Variants in CACNB1 observed in about 807,000 individuals in gnomAD.
The protein encoded by CACNB1 is voltage-dependent L-type calcium channel subunit beta-1.
In CACNB1, 29 loss-of-function variants were observed where a neutral mutation model predicts 71.6. That is an observed-to-expected ratio of 0.40 (90% CI 0.30 to 0.55). CACNB1 has a LOEUF of 0.55. CACNB1 is among the 20% of genes least tolerant of loss of function. CACNB1 has a pLI of 0.38. For missense variants in CACNB1, 623 were observed against 801.8 expected (o/e 0.78, Z 2.69); for synonymous variants, 300 against 319.6 (o/e 0.94, Z 0.65).
rs373615559 is a variant in CACNB1 at position 39,197,535 on chromosome 17, C to T, written c.-40G>A. On this transcript the variant is annotated 5_prime_UTR_variant, in exon 1 of 14. Transcript: ENST00000394303. ...CCTCCCGCCGCCGGCCCGGCCCAGC[C>T]GGGCTCCCTCAGCGCATGGGAGAGG... 2.5e-5 allele frequency: 36 copies of T among 1,449,190 alleles called. No individual in the cohort carries two copies. Among genetic ancestry groups the T allele is most frequent in the Middle Eastern group, 2.4e-4 (1 of 4,224 alleles). 89.8% of individuals were successfully genotyped at this position (1,449,190 alleles called of 1,614,324 possible).
In CACNB1 at chr17:39,175,529, C is replaced by T. The variant is rs116613643; in HGVS notation, c.1461G>A (p.Arg487=). ...GGGACAGTGCCCGTAGCGTGCCTGC[C>T]CGGCCTGGTGGGTGGCTGCTGGGGT... ...GLYPSSHPPG[R]AGTLRALSRQ... is the part of the protein sequence containing the mutation. Residue 487 remains arginine, a synonymous_variant, in exon 14 of 14, where the codon CGG becomes CGA. Coordinates refer to ENST00000394303, the MANE Select transcript of CACNB1 (RefSeq NM_000723.5). This position sits in a 1 kb window ranked among gnomAD's most constrained non-coding sequence, Gnocchi z 4.7. The T allele has an allele frequency of 3.6e-3, 5,853 of 1,613,870 alleles. 57 individuals are homozygous for T. The Middle Eastern group carries it at 0.047, about 13-fold the overall frequency.
Position 39,185,122 on chromosome 17 carries a change from G to A in CACNB1, c.648+9C>T. On this transcript the variant is annotated intron_variant, in intron 7 of 13. Coordinates refer to ENST00000394303, the MANE Select transcript of CACNB1 (RefSeq NM_000723.5). ...TGGGGAGGAGGACACAGAAAGCTGTGATACTCACCGACTTCTGCTTCTGTT... is the reference window on the plus strand; with the variant it reads ...TGGGGAGGAGGACACAGAAAGCTGTAATACTCACCGACTTCTGCTTCTGTT... 1 of 1,613,430 alleles carries A rather than the reference G, an allele frequency of 6.2e-7. No individual in the cohort carries two copies. Among genetic ancestry groups the A allele is most frequent in the Non-Finnish European group, 8.5e-7 (1 of 1,179,406 alleles).
chr17:39,188,407 G>A (rs187431408), intron 3 of CACNB1, among the ~76,000 whole-genome samples: 2 of 151,812 alleles, frequency 1.3e-5, no homozygotes, highest in Admixed American at 6.6e-5. Context: ...AAACCCTGTC[G>A]CTACTAAAAA....
In CACNB1 at chr17:39,175,282, C is replaced by G; in HGVS notation, c.1708G>C (p.Ala570Pro). 6.2e-7 allele frequency: 1 copy of G among 1,614,212 alleles called. No homozygotes were observed. Among genetic ancestry groups the G allele is most frequent in the Non-Finnish European group, 8.5e-7 (1 of 1,180,034 alleles). Residue 570 changes from alanine to proline, a missense_variant, in exon 14 of 14, where the codon GCC becomes CCC. Ala to Pro is a conservative substitution (Grantham distance 27). Transcript: ENST00000394303. This position sits in a 1 kb window ranked among gnomAD's most constrained non-coding sequence, Gnocchi z 4.7. ...CCCCCACCCTCAGCGCAGTAGCGGGCCTTATTCCGGCCCCGGTTCCGGTTG... is the reference window on the plus strand; with the variant it reads ...CCCCCACCCTCAGCGCAGTAGCGGGGCTTATTCCGGCCCCGGTTCCGGTTG... ...TDNRNRGRNKARYCAEGGGPV... is the reference protein window; with the variant it reads ...TDNRNRGRNKPRYCAEGGGPV...
chr17:39,185,882 C>A (rs1475678751), intron 6 of CACNB1: 3 of 1,524,306 alleles, frequency 2.0e-6, no homozygotes, highest in Admixed American at 3.7e-5. Context: ...TCCATTACAG[C>A]CCCCTTCCCT....
chr17:39,185,640 G>A (rs990042342), intron 6 of CACNB1, among the ~76,000 whole-genome samples: 5 of 151,344 alleles, frequency 3.3e-5, no homozygotes, highest in African/African-American at 1.2e-4. Flanking sequence ...ACATGCCAAG[G>A]TAGACACCAA....
intron 4 of CACNB1, 35 bp downstream of exon 4, chr17:39,187,444 G>A: frequency 2.5e-6 from 4 of 1,611,760 alleles, no homozygotes; most frequent in Non-Finnish European, 3.4e-6. Context: ...CTGTCTCCTG[G>A]CACCCACTTC....
intron 6 of CACNB1, 33 bp from the exon 7 acceptor site, chr17:39,185,183 G>C (rs778710193): frequency 1.3e-6 from 2 of 1,598,708 alleles, no homozygotes; most frequent in Admixed American, 1.7e-5. Context: ...GAGGGAAGGG[G>C]GAGGAGAGAG....
rs1254331025 is a variant in CACNB1 at position 39,175,328 on chromosome 17, GTCT to G, written c.1659_1661del (p.Glu553del). 6.2e-7 allele frequency: 1 copy of G among 1,614,186 alleles called. No individual in the cohort carries two copies. The highest frequency in any genetic ancestry group is 1.1e-5 in the South Asian group (1 of 91,084). On this transcript the variant is annotated inframe_deletion, in exon 14 of 14. Transcript: ENST00000394303. This position sits in a 1 kb window ranked among gnomAD's most constrained non-coding sequence, Gnocchi z 4.7. ...GGTTGTCGGTCAGCTCTTCCTCATAGTCTTCTTCCTCGTCCTCCCAGGATCCCT... is the reference window on the plus strand; with the variant it reads ...GGTTGTCGGTCAGCTCTTCCTCATAGTCTTCCTCGTCCTCCCAGGATCCCT...
intron 2 of CACNB1, chr17:39,193,729 G>C (rs1567813679): frequency 4.5e-6 from 1 of 222,542 alleles, no homozygotes; most frequent in Non-Finnish European, 9.3e-6. Flanking sequence ...CACTGAAGGA[G>C]CCAAGGTCCT....
chr17:39,178,375 C>T (rs1229791766), intron 11 of CACNB1: 8 of 212,908 alleles, frequency 3.8e-5, no homozygotes, highest in South Asian at 2.0e-4. Context: ...GCCCACTCTC[C>T]TTTTTTTTTG....
chr17:39,186,656 A>G lies in CACNB1; in HGVS notation c.552-84T>C, dbSNP rs2045949126. ...ATCCTCTCACATGCGGCACCCCCGG[A>G]GGTGCTCCAGCCCCACTGGTGATGC... On this transcript the variant is annotated intron_variant, in intron 5 of 13. Coordinates refer to ENST00000394303, the MANE Select transcript of CACNB1 (RefSeq NM_000723.5). This position sits in a 1 kb window ranked among gnomAD's most constrained non-coding sequence, Gnocchi z 4.1. The G allele has an allele frequency of 6.7e-7, 1 of 1,499,536 alleles. No individual in the cohort carries two copies. Among genetic ancestry groups the G allele is most frequent in the South Asian group, 1.2e-5 (1 of 84,206 alleles). 92.9% of individuals were successfully genotyped at this position (1,499,536 alleles called of 1,614,324 possible). A position where few individuals can be genotyped will look rare whatever the true frequency, so the allele number is the denominator to read the frequency against.
intron 13 of CACNB1, 188 bp downstream of exon 13, chr17:39,177,162 A>G: frequency 3.5e-6 from 5 of 1,434,720 alleles, no homozygotes; most frequent in Non-Finnish European, 4.6e-6. Context: ...TTTTTACAAA[A>G]TAAAGCTCTT....
At position 39,185,206 on chromosome 17, in the gene CACNB1, A is replaced by G. The variant is rs2045904529; in HGVS notation, c.629-56T>C. 1.6e-5 allele frequency: 23 copies of G among 1,417,636 alleles called. No homozygotes were observed. In the South Asian group the frequency reaches 2.5e-4, roughly 16 times the overall value. 87.8% of individuals were successfully genotyped at this position (1,417,636 alleles called of 1,614,324 possible). Reference sequence around the variant, plus strand: ...GGGGAGGAGAGAGGGAAGGGGACCCAGGCAGGGGCAGAGGGCAAGGCAGGA... The same window carrying G: ...GGGGAGGAGAGAGGGAAGGGGACCCGGGCAGGGGCAGAGGGCAAGGCAGGA... On this transcript the variant is annotated intron_variant, in intron 6 of 13. Coordinates refer to ENST00000394303, the MANE Select transcript of CACNB1 (RefSeq NM_000723.5).
rs1188462186 is a variant in CACNB1 at position 39,177,981 on chromosome 17, C to T, written c.1146+3G>A. ...TTCCCTTCCCTGGGATCTAGGCACT[C>T]ACAGGGGGGCACTGTGCCAGCTTTT... On this transcript the variant is annotated splice_donor_region_variant and intron_variant, in intron 12 of 13. Coordinates refer to ENST00000394303, the MANE Select transcript of CACNB1 (RefSeq NM_000723.5). 1 of 1,610,656 alleles carries T rather than the reference C, an allele frequency of 6.2e-7. No individual in the cohort carries two copies. Among genetic ancestry groups the T allele is most frequent in the Non-Finnish European group, 8.5e-7 (1 of 1,176,964 alleles).
rs2046172623 is a variant in CACNB1 at position 39,194,983 on chromosome 17, G to C, written c.85-13C>G. 2 of 1,589,906 alleles carry C rather than the reference G, an allele frequency of 1.3e-6. No homozygotes were observed. Among genetic ancestry groups the C allele is most frequent in the South Asian group, 1.1e-5 (1 of 89,820 alleles). ...TGCTGTATTTGCCCTGAAGAGGCCA[G>C]GAAAGGAACAAGAGTAGAATCAGAA... On this transcript the variant is annotated splice_polypyrimidine_tract_variant and intron_variant, in intron 1 of 13. Coordinates refer to ENST00000394303, the MANE Select transcript of CACNB1 (RefSeq NM_000723.5). The surrounding 1 kb of genome is among the most constrained non-coding windows in gnomAD (Gnocchi z 4.6).
intron 11 of CACNB1, among the ~76,000 whole-genome samples, chr17:39,181,085 T>TTTTTA (rs2045745328): frequency 6.6e-6 from 1 of 152,080 alleles, no homozygotes; most frequent in Admixed American, 6.6e-5. Flanking sequence ...CAAGCGTTTA[T>TTTTTA]TTTTATTTAT....
At chr17:39,185,800 C>T in intron 6 of CACNB1, 2 of 781,084 alleles carry the variant, frequency 2.6e-6, no homozygotes, top group Non-Finnish European at 4.0e-6. Context: ...GGGGGATGTG[C>T]CCATGCTACC....
Position 39,186,200 on chromosome 17 carries a change from G to C in CACNB1, c.628+296C>G. 1 of 1,042,856 alleles carries C rather than the reference G, an allele frequency of 9.6e-7. No homozygotes were observed. Among genetic ancestry groups the C allele is most frequent in the Non-Finnish European group, 1.5e-6 (1 of 689,034 alleles). The allele number at this position is 1,042,856 out of a possible 1,614,324, so 64.6% of individuals were successfully genotyped here. Reference sequence around the variant, plus strand: ...ACACAAGTACAGAACGCAGGGATGGGGATGGGGAAAAAAGAAAGAAGAAGA... The same window carrying C: ...ACACAAGTACAGAACGCAGGGATGGCGATGGGGAAAAAAGAAAGAAGAAGA... On this transcript the variant is annotated intron_variant, in intron 6 of 13. Transcript: ENST00000394303. The surrounding 1 kb of genome is among the most constrained non-coding windows in gnomAD (Gnocchi z 4.1).
Sources: gnomAD v4.1 joint callset for allele counts (sites outside exome capture counted in the v4.1 genomes callset) on GRCh38, gnomAD v4.1.1 for gene constraint, Gnocchi (gnomAD v3.1) non-coding constraint, MANE v1.5 for transcripts, NCBI Gene and HGNC (gene_info 2026-07-23, HGNC 2026-07-21) for gene names.